Variants in SLC10A7 observed in about 807,000 individuals in gnomAD.
The protein encoded by SLC10A7 is solute carrier family 10 member 7.
Under a neutral mutation model 43.2 loss-of-function variants are expected in SLC10A7, and 29 were observed. The observed-to-expected ratio is 0.67, with a 90% CI of 0.50 to 0.92. The LOEUF (loss-of-function observed/expected upper bound fraction) is 0.92, where lower values mean the gene tolerates loss of function less well. SLC10A7 is among the 40% of genes least tolerant of loss of function. The pLI, the probability that SLC10A7 is intolerant of heterozygous loss-of-function variation, is 0.00. For synonymous variants in SLC10A7, 152 were observed against 144.8 expected, an observed-to-expected ratio of 1.05 and a Z score of -0.35; for missense variants, 295 against 403.2, an observed-to-expected ratio of 0.73 and a Z score of 2.30.
At chr4:146,284,331 T>TC (rs1447225664) in intron 9 of SLC10A7, among the ~76,000 whole-genome samples, 1 of 152,088 alleles carries the variant, frequency 6.6e-6, no homozygotes, top group African/African-American at 2.4e-5. Context: ...CCCAATCATT[T>TC]CCCTTAGTAA....
chr4:146,459,639 G>C, intron 4 of SLC10A7, among the ~76,000 whole-genome samples: 1 of 150,586 alleles, frequency 6.6e-6, no homozygotes, highest in Non-Finnish European at 1.5e-5. Context: ...GAAAAACTCT[G>C]ATGCTTATTC....
chr4:146,269,850 C>T (rs1728787252), intron 10 of SLC10A7, among the ~76,000 whole-genome samples: 1 of 152,202 alleles, frequency 6.6e-6, no homozygotes, highest in Non-Finnish European at 1.5e-5. Flanking sequence ...CTGGAACTTT[C>T]AGAAGGCTTC....
intron 4 of SLC10A7, among the ~76,000 whole-genome samples, chr4:146,473,092 C>CTAA (rs1022515329): frequency 2.6e-5 from 4 of 152,178 alleles, no homozygotes; most frequent in Non-Finnish European, 5.9e-5. Context: ...TACTCCTATA[C>CTAA]TAATGTCTCT....
At chr4:146,375,194 A>C (rs1478663056) in intron 5 of SLC10A7, among the ~76,000 whole-genome samples, 1 of 152,196 alleles carries the variant, frequency 6.6e-6, no homozygotes, top group Non-Finnish European at 1.5e-5. Context: ...TGACAGAGGG[A>C]GACTCCATCT....
intron 5 of SLC10A7, among the ~76,000 whole-genome samples, chr4:146,390,527 G>A (rs1195337236): frequency 6.6e-6 from 1 of 152,090 alleles, no homozygotes; most frequent in Non-Finnish European, 1.5e-5. Context: ...CTACCTGCAG[G>A]GCTGAGGCAG....
intron 5 of SLC10A7, among the ~76,000 whole-genome samples, chr4:146,428,672 T>C (rs923289608): frequency 2.6e-5 from 4 of 152,116 alleles, no homozygotes; most frequent in Non-Finnish European, 4.4e-5. Context: ...TTTAGGATAC[T>C]GTACAGTTTC....
At chr4:146,518,884 G>A (rs1316334462) in intron 1 of SLC10A7, among the ~76,000 whole-genome samples, 1 of 151,142 alleles carries the variant, frequency 6.6e-6, no homozygotes, top group Non-Finnish European at 1.5e-5. Context: ...TTCTAGAACT[G>A]TGAGATAATA....
chr4:146,462,396 A>C (rs917767701), intron 4 of SLC10A7, among the ~76,000 whole-genome samples: 16 of 152,250 alleles, frequency 1.1e-4, no homozygotes, highest in African/African-American at 3.8e-4. Flanking sequence ...TTAATTTTAC[A>C]TGTAAGGATT....
At chr4:146,470,342 TG>T in intron 4 of SLC10A7, among the ~76,000 whole-genome samples, 1 of 151,698 alleles carries the variant, frequency 6.6e-6, no homozygotes, top group Admixed American at 6.6e-5. Context: ...GAGATACAGA[TG>T]CATATATTAT....
chr4:146,382,576 G>T (rs1737705203), intron 5 of SLC10A7, among the ~76,000 whole-genome samples: 1 of 152,092 alleles, frequency 6.6e-6, no homozygotes, highest in Non-Finnish European at 1.5e-5. Flanking sequence ...TATTTTAGGG[G>T]TTACCAAGGC....
intron 5 of SLC10A7, among the ~76,000 whole-genome samples, chr4:146,380,008 T>C (rs569086211): frequency 6.6e-6 from 1 of 151,700 alleles, no homozygotes; most frequent in East Asian, 1.9e-4. Flanking sequence ...AGAATATGGG[T>C]AAGCAAGCAA....
intron 5 of SLC10A7, among the ~76,000 whole-genome samples, chr4:146,373,677 T>A (rs1736955248): frequency 2.0e-5 from 3 of 152,194 alleles, no homozygotes; most frequent in Admixed American, 2.0e-4. Flanking sequence ...CAACTTTCAG[T>A]ACACATTAGA....
chr4:146,281,757 C>G (rs1017458258), intron 10 of SLC10A7, among the ~76,000 whole-genome samples: 1 of 152,170 alleles, frequency 6.6e-6, no homozygotes, highest in Non-Finnish European at 1.5e-5. Context: ...GAGACTCGAA[C>G]CTTGGGAGTG....
chr4:146,357,925 A>T (rs1267226364), intron 5 of SLC10A7, among the ~76,000 whole-genome samples: 1 of 151,964 alleles, frequency 6.6e-6, no homozygotes, highest in African/African-American at 2.4e-5. Flanking sequence ...GACTTGAGTC[A>T]TCCTGACAGA....
chr4:146,415,025 G>A (rs1022205466), intron 5 of SLC10A7, among the ~76,000 whole-genome samples: 6 of 151,932 alleles, frequency 3.9e-5, no homozygotes, highest in African/African-American at 1.5e-4. Context: ...TCAAATTTTC[G>A]GACTACTTCC....
chr4:146,293,593 G>T (rs2111188339), intron 8 of SLC10A7, among the ~76,000 whole-genome samples: 1 of 152,190 alleles, frequency 6.6e-6, no homozygotes, highest in South Asian at 2.1e-4. Context: ...ACAATAAGGG[G>T]TAAGATCAGT....
chr4:146,444,991 T>C (rs1467628169), intron 4 of SLC10A7, among the ~76,000 whole-genome samples: 1 of 152,158 alleles, frequency 6.6e-6, no homozygotes, highest in Non-Finnish European at 1.5e-5. Flanking sequence ...ATTTTATTGA[T>C]ATATAAAAGA....
chr4:146,496,729 T>G (rs148640760), intron 4 of SLC10A7, among the ~76,000 whole-genome samples: 61 of 152,330 alleles, frequency 4.0e-4, no homozygotes, highest in African/African-American at 1.4e-3. Flanking sequence ...TCTCTTTGGG[T>G]CTACATTTCT....
chr4:146,380,507 T>C (rs547725152), intron 5 of SLC10A7, among the ~76,000 whole-genome samples: 6 of 152,302 alleles, frequency 3.9e-5, no homozygotes, highest in Admixed American at 2.6e-4. Context: ...ACATACCTTT[T>C]TAGTTTTAAA....
Sources: gnomAD v4.1 joint callset for allele counts (sites outside exome capture counted in the v4.1 genomes callset) on GRCh38, gnomAD v4.1.1 for gene constraint, MANE v1.5 for transcripts, NCBI Gene and HGNC (gene_info 2026-07-23, HGNC 2026-07-21) for gene names.